The following PPARGC1A variants were observed in gnomAD, a reference collection of about 807,000 sequenced individuals.
PPARGC1A encodes peroxisome proliferator-activated receptor gamma coactivator 1-alpha.
Under a neutral mutation model 88.7 loss-of-function variants are expected in PPARGC1A, and 25 were observed. The observed-to-expected ratio is 0.28, with a 90% CI of 0.21 to 0.39. PPARGC1A has a LOEUF of 0.39. PPARGC1A is among the 10% of genes least tolerant of loss of function. The pLI is 1.00. For missense variants in PPARGC1A, 880 were observed against 968.7 expected (o/e 0.91, Z 1.22); for synonymous variants, 363 against 355.6 (o/e 1.02, Z -0.24).
At chr4:24,041,579 T>C in the PPARGC1A span, among the ~76,000 whole-genome samples, 1 of 152,182 alleles carries the variant, frequency 6.6e-6, no homozygotes, top group South Asian at 2.1e-4. Flanking sequence ...CCTACAGATA[T>C]GTCTACCTTC....
the PPARGC1A span, among the ~76,000 whole-genome samples, chr4:24,116,883 C>G: frequency 6.6e-6 from 1 of 152,214 alleles, no homozygotes; most frequent in African/African-American, 2.4e-5. Context: ...CAGTTATGTC[C>G]TTTGGTACAG....
the PPARGC1A span, among the ~76,000 whole-genome samples, chr4:24,050,989 C>T: frequency 2.0e-4 from 30 of 151,986 alleles, no homozygotes; most frequent in East Asian, 5.3e-3. Context: ...AGATGGAGAC[C>T]ATCCTGGCTA....
chr4:23,838,336 C>A (rs536036561), intron 2 of PPARGC1A, among the ~76,000 whole-genome samples: 2 of 152,242 alleles, frequency 1.3e-5, no homozygotes, highest in Admixed American at 6.5e-5. Flanking sequence ...CAAAAGTGGG[C>A]GGACTCCCAC....
chr4:24,120,661 G>A, the PPARGC1A span, among the ~76,000 whole-genome samples: 1 of 152,072 alleles, frequency 6.6e-6, no homozygotes, highest in African/African-American at 2.4e-5. Context: ...ATTGGGAGGT[G>A]GGGTCTTTGG....
chr4:24,134,569 T>C, the PPARGC1A span, among the ~76,000 whole-genome samples: 1 of 152,240 alleles, frequency 6.6e-6, no homozygotes. Context: ...ATTTCTGAAC[T>C]TTGGGAAGGA....
the PPARGC1A span, among the ~76,000 whole-genome samples, chr4:24,241,549 T>G: frequency 6.6e-6 from 1 of 152,250 alleles, no homozygotes; most frequent in Non-Finnish European, 1.5e-5. Context: ...GTGTTTTATC[T>G]TATAGGCTCT....
At chr4:24,422,001 T>C in the PPARGC1A span, among the ~76,000 whole-genome samples, 1 of 152,210 alleles carries the variant, frequency 6.6e-6, no homozygotes, top group Non-Finnish European at 1.5e-5. Context: ...CAGATGCTAC[T>C]CAGATTAAAC....
the PPARGC1A span, among the ~76,000 whole-genome samples, chr4:24,081,726 G>A: frequency 6.6e-6 from 1 of 151,190 alleles, no homozygotes; most frequent in Admixed American, 6.6e-5. Context: ...CTAATGAGGT[G>A]TTCATTTAAG....
At chr4:24,280,544 AAG>A in the PPARGC1A span, among the ~76,000 whole-genome samples, 1 of 152,172 alleles carries the variant, frequency 6.6e-6, no homozygotes, top group Non-Finnish European at 1.5e-5. Context: ...AAGGCAGAGA[AAG>A]AGAAGGGAAG....
the PPARGC1A span, among the ~76,000 whole-genome samples, chr4:24,324,927 T>C: frequency 6.6e-6 from 1 of 152,090 alleles, no homozygotes; most frequent in Non-Finnish European, 1.5e-5. Flanking sequence ...CAATAATTCC[T>C]CAGCCTCCGC....
chr4:24,018,642 G>A, the PPARGC1A span, among the ~76,000 whole-genome samples: 2 of 152,082 alleles, frequency 1.3e-5, no homozygotes, highest in Admixed American at 6.5e-5. Flanking sequence ...CATTCCTCAC[G>A]ATCTCATTTT....
chr4:23,883,290 C>T (rs1446017772), intron 2 of PPARGC1A: 1 of 152,234 alleles, frequency 6.6e-6, no homozygotes, highest in Non-Finnish European at 1.5e-5. Context: ...AGAGGTATTA[C>T]AAAATCTCAG....
chr4:24,266,480 A>C, the PPARGC1A span, among the ~76,000 whole-genome samples: 1 of 152,060 alleles, frequency 6.6e-6, no homozygotes, highest in Non-Finnish European at 1.5e-5. Flanking sequence ...AGGTGCCTGG[A>C]ATTGTTTGGG....
chr4:23,831,884 T>C, intron 2 of PPARGC1A, 133 bp from the exon 3 acceptor site: 2 of 707,238 alleles, frequency 2.8e-6, no homozygotes. Context: ...ACAAAGATCA[T>C]GTCTTTCTCA....
At chr4:23,845,806 A>G (rs1414682095) in intron 2 of PPARGC1A, among the ~76,000 whole-genome samples, 1 of 152,194 alleles carries the variant, frequency 6.6e-6, no homozygotes, top group African/African-American at 2.4e-5. Context: ...AGTATTTTAC[A>G]TGGGTTTAGG....
At chr4:23,859,861 C>A (rs986810489) in intron 2 of PPARGC1A, among the ~76,000 whole-genome samples, 1 of 147,326 alleles carries the variant, frequency 6.8e-6, no homozygotes, top group African/African-American at 2.5e-5. Context: ...AAAATAACAC[C>A]AAAAAAGAGA....
chr4:24,397,473 C>T, the PPARGC1A span, among the ~76,000 whole-genome samples: 3 of 152,160 alleles, frequency 2.0e-5, no homozygotes, highest in African/African-American at 7.2e-5. Context: ...TCTAGTCTCT[C>T]TTGTACCTAG....
intron 1 of PPARGC1A, among the ~76,000 whole-genome samples, chr4:23,896,202 G>A (rs1427940403): frequency 2.6e-5 from 4 of 151,940 alleles, no homozygotes; most frequent in African/African-American, 9.7e-5. Flanking sequence ...GGCTGACGAC[G>A]TTATAAGTAC....
chr4:24,155,219 A>T, the PPARGC1A span, among the ~76,000 whole-genome samples: 19,978 of 151,770 alleles, frequency 0.13, 1,762 homozygotes, highest in African/African-American at 0.24. Flanking sequence ...CTAGCAAAAT[A>T]TATTGAAGAA....
Sources: gnomAD v4.1 joint callset for allele counts (sites outside exome capture counted in the v4.1 genomes callset) on GRCh38, gnomAD v4.1.1 for gene constraint, MANE v1.5 for transcripts, NCBI Gene and HGNC (gene_info 2026-07-23, HGNC 2026-07-21) for gene names.